ERBB4: variants seen among roughly 807,000 people sequenced by gnomAD.
ERBB4 encodes receptor tyrosine-protein kinase erbB-4.
In ERBB4, 42 loss-of-function variants were observed where a neutral mutation model predicts 158.0. The ratio of observed to expected loss-of-function variants is 0.27; its 90% confidence interval spans 0.21 to 0.34. The LOEUF (loss-of-function observed/expected upper bound fraction) is 0.34. ERBB4 is among the 10% of genes least tolerant of loss of function. The pLI is 1.00. For synonymous variants in ERBB4, 583 were observed against 558.7 expected, an observed-to-expected ratio of 1.04 and a Z score of -0.61; for missense variants, 1,333 against 1,624.1, an observed-to-expected ratio of 0.82 and a Z score of 3.08.
At chr2:212,291,842 T>C (rs2106182187) in intron 1 of ERBB4, among the ~76,000 whole-genome samples, 1 of 152,190 alleles carries the variant, frequency 6.6e-6, no homozygotes, top group African/African-American at 2.4e-5. Flanking sequence ...TTGCAGGATG[T>C]ATAACTCTAT....
intron 1 of ERBB4, among the ~76,000 whole-genome samples, chr2:212,289,045 C>T (rs1243094290): frequency 6.6e-6 from 1 of 152,052 alleles, no homozygotes; most frequent in Non-Finnish European, 1.5e-5. Context: ...AAGAAACCTC[C>T]TGACAACACA....
chr2:212,078,681 G>C lies in ERBB4; in HGVS notation c.234+46071C>G, dbSNP rs80183596. On this transcript the variant is annotated intron_variant, in intron 2 of 27. Transcript: ENST00000342788. The stretch of plus-strand genomic sequence containing the variant: ...AAATTTGGAATGTAAAGTTCACTAA[G>C]ATCTCTATTTCCAAAGACATCCACC... Among the ~76,000 whole-genome samples, 193 of 151,776 alleles carry C rather than the reference G, an allele frequency of 1.3e-3. 4 individuals carry two copies. The East Asian group carries it at 0.029, about 23-fold the overall frequency.
At chr2:212,022,391 A>T (rs374110348) in intron 2 of ERBB4, among the ~76,000 whole-genome samples, 2 of 152,178 alleles carry the variant, frequency 1.3e-5, no homozygotes, top group Admixed American at 1.3e-4. Context: ...AGGGACGTGG[A>T]TGAAGCTGGA....
chr2:211,594,398 C>A (rs1211565831), intron 19 of ERBB4, among the ~76,000 whole-genome samples: 1 of 151,826 alleles, frequency 6.6e-6, no homozygotes, highest in East Asian at 1.9e-4. Context: ...GAAATCGCAC[C>A]ACTGCACTCC....
At chr2:212,334,540 G>A (rs962514430) in intron 1 of ERBB4, among the ~76,000 whole-genome samples, 2 of 151,866 alleles carry the variant, frequency 1.3e-5, no homozygotes, top group African/African-American at 4.8e-5. Context: ...TTTGTTATTT[G>A]GTAGCAGCTA....
At chr2:211,674,783 C>T (rs1172868243) in intron 13 of ERBB4, among the ~76,000 whole-genome samples, 1 of 152,066 alleles carries the variant, frequency 6.6e-6, no homozygotes, top group African/African-American at 2.4e-5. Context: ...TTATAGCACA[C>T]TTGAGATTAT....
chr2:211,476,422 G>A (rs1396486170), intron 20 of ERBB4, among the ~76,000 whole-genome samples: 1 of 152,054 alleles, frequency 6.6e-6, no homozygotes, highest in Non-Finnish European at 1.5e-5. Flanking sequence ...TGAATTTGAG[G>A]AAGAGTATTT....
intron 4 of ERBB4, among the ~76,000 whole-genome samples, chr2:211,752,597 T>C (rs1053554998): frequency 1.3e-5 from 2 of 151,920 alleles, no homozygotes; most frequent in African/African-American, 4.8e-5. Flanking sequence ...AGGAGCTAAG[T>C]AACAAAATTC....
At chr2:211,866,252 A>C (rs887888120) in intron 3 of ERBB4, among the ~76,000 whole-genome samples, 1 of 152,164 alleles carries the variant, frequency 6.6e-6, no homozygotes, top group Non-Finnish European at 1.5e-5. Context: ...CTCCATCTCA[A>C]AATTAAAATA....
At chr2:211,577,248 C>T (rs2067918309) in intron 19 of ERBB4, among the ~76,000 whole-genome samples, 1 of 152,096 alleles carries the variant, frequency 6.6e-6, no homozygotes, top group Non-Finnish European at 1.5e-5. Context: ...TGGTACATGA[C>T]AGAACACAGT....
intron 2 of ERBB4, among the ~76,000 whole-genome samples, chr2:212,038,074 T>G (rs1453443858): frequency 1.3e-5 from 2 of 152,280 alleles, no homozygotes; most frequent in African/African-American, 4.8e-5. Context: ...ATGAAATATA[T>G]TATTATGGGA....
chr2:212,296,542 G>C (rs2086418695), intron 1 of ERBB4, among the ~76,000 whole-genome samples: 1 of 151,874 alleles, frequency 6.6e-6, no homozygotes, highest in Non-Finnish European at 1.5e-5. Context: ...AATTAAATCA[G>C]TATACCCTCT....
At chr2:212,026,064 C>T (rs1475977176) in intron 2 of ERBB4, among the ~76,000 whole-genome samples, 1 of 151,390 alleles carries the variant, frequency 6.6e-6, no homozygotes, top group Admixed American at 6.6e-5. Context: ...CTATATATCT[C>T]TATGCAGATA....
chr2:211,702,182 T>C lies in ERBB4; in HGVS notation c.1290-16A>G. The C allele has an allele frequency of 6.2e-7, 1 of 1,606,206 alleles. No individual in the cohort carries two copies. The highest frequency in any genetic ancestry group is 1.7e-5 in the Admixed American group (1 of 60,006). Reference sequence around the variant, plus strand: ...GGACAGGCCACTAAGGAGGGGGAAGTGAGAAAACGGAACCATGAAACGCAT... The same window carrying C: ...GGACAGGCCACTAAGGAGGGGGAAGCGAGAAAACGGAACCATGAAACGCAT... On this transcript the variant is annotated splice_polypyrimidine_tract_variant and intron_variant, in intron 11 of 27. Coordinates refer to ENST00000342788, the MANE Select transcript of ERBB4 (RefSeq NM_005235.3).
Position 211,377,846 on chromosome 2 carries a change from A to T in ERBB4, c.*5769T>A, listed in dbSNP as rs1052871575. On this transcript the variant is annotated 3_prime_UTR_variant, in exon 28 of 28. Transcript: ENST00000342788. ...CAGGGCTAACTCGTCTCAAATTCCT[A>T]TAGGGAAGGACACAGAGAATTGATC... 4 of 232,692 alleles carry T rather than the reference A, an allele frequency of 1.7e-5. No individual in the cohort carries two copies. The highest frequency in any genetic ancestry group is 8.8e-5 in the African/African-American group (4 of 45,296). 14.4% of individuals were successfully genotyped at this position (232,692 alleles called of 1,614,324 possible).
chr2:212,476,050 T>C (rs995564231), intron 1 of ERBB4, among the ~76,000 whole-genome samples: 2 of 151,926 alleles, frequency 1.3e-5, no homozygotes, highest in Non-Finnish European at 2.9e-5. Context: ...TCAGCTTAAA[T>C]ATTACTTCCT....
At chr2:212,145,524 T>C (rs1353187849) in intron 1 of ERBB4, among the ~76,000 whole-genome samples, 4 of 152,140 alleles carry the variant, frequency 2.6e-5, no homozygotes, top group Non-Finnish European at 5.9e-5. Flanking sequence ...TTGTTTTAAA[T>C]GACCTTAAGA....
At chr2:212,131,237 C>T (rs1167885859) in intron 1 of ERBB4, among the ~76,000 whole-genome samples, 1 of 152,158 alleles carries the variant, frequency 6.6e-6, no homozygotes, top group East Asian at 1.9e-4. Flanking sequence ...TACACAGCGG[C>T]CTCCTAACTA....
At chr2:211,569,131 A>C (rs1298650362) in intron 19 of ERBB4, among the ~76,000 whole-genome samples, 1 of 152,140 alleles carries the variant, frequency 6.6e-6, no homozygotes, top group Non-Finnish European at 1.5e-5. Context: ...CTAAACTTTG[A>C]AGTCAGCACT....
Sources: gnomAD v4.1 joint callset for allele counts (sites outside exome capture counted in the v4.1 genomes callset) on GRCh38, gnomAD v4.1.1 for gene constraint, MANE v1.5 for transcripts, NCBI Gene and HGNC (gene_info 2026-07-23, HGNC 2026-07-21) for gene names.